The following PRKCZ variants were observed in gnomAD, a reference collection of about 807,000 sequenced individuals.
PRKCZ encodes the protein protein kinase C zeta type.
A neutral mutation model predicts 79.5 loss-of-function variants in PRKCZ; 33 were observed. The ratio of observed to expected loss-of-function variants is 0.41; its 90% confidence interval spans 0.31 to 0.55. The LOEUF is 0.55. Ranked by LOEUF, PRKCZ falls within the 20% of genes least tolerant of loss-of-function variation. PRKCZ has a pLI of 0.19. For synonymous variants in PRKCZ, 342 were observed against 320.9 expected (o/e 1.07, Z -0.70); for missense variants, 578 against 813.5 (o/e 0.71, Z 3.52).
At chr1:2,157,435 T>C (rs1479237358) in intron 10 of PRKCZ, among the ~76,000 whole-genome samples, 1 of 152,098 alleles carries the variant, frequency 6.6e-6, no homozygotes, top group Non-Finnish European at 1.5e-5. Context: ...TTCTTGTTTT[T>C]GAGATGGAGT....
intron 4 of PRKCZ, among the ~76,000 whole-genome samples, chr1:2,089,465 T>C (rs1388041268): frequency 6.6e-6 from 1 of 152,126 alleles, no homozygotes; most frequent in Non-Finnish European, 1.5e-5. Context: ...CCCTGATTGC[T>C]CGAGATGCTG....
intron 7 of PRKCZ, among the ~76,000 whole-genome samples, chr1:2,147,377 C>G (rs960348718): frequency 2.8e-5 from 4 of 141,332 alleles, no homozygotes; most frequent in African/African-American, 7.4e-5. Flanking sequence ...ACTGACCTCT[C>G]TATCTATCCA....
chr1:2,163,739 A>C (rs1450006932), intron 10 of PRKCZ, among the ~76,000 whole-genome samples: 1 of 151,998 alleles, frequency 6.6e-6, no homozygotes, highest in African/African-American at 2.4e-5. Context: ...AAATACAAAA[A>C]AAAAAAAAAA....
intron 4 of PRKCZ, among the ~76,000 whole-genome samples, chr1:2,101,567 T>C (rs770292595): frequency 6.6e-6 from 1 of 152,228 alleles, no homozygotes; most frequent in Non-Finnish European, 1.5e-5. Context: ...CATCAGCCAG[T>C]CTGCGTTCGG....
intron 4 of PRKCZ, chr1:2,073,809 CG>C: frequency 3.9e-6 from 4 of 1,031,334 alleles, no homozygotes; most frequent in African/African-American, 1.7e-5. Flanking sequence ...TGCCTATTGT[CG>C]GGGCCGGAGG....
intron 11 of PRKCZ, among the ~76,000 whole-genome samples, chr1:2,170,452 G>C (rs1350158911): frequency 1.3e-5 from 2 of 151,926 alleles, no homozygotes; most frequent in African/African-American, 4.8e-5. Context: ...AATAAATCTA[G>C]AACAGTACAC....
intron 4 of PRKCZ, among the ~76,000 whole-genome samples, chr1:2,102,749 T>TCCCCCAA (rs1557563499): frequency 6.6e-6 from 1 of 152,036 alleles, no homozygotes; most frequent in Non-Finnish European, 1.5e-5. Flanking sequence ...GCAAGTCTCC[T>TCCCCCAA]CCCCCAACCC....
chr1:2,184,902 C>T lies in PRKCZ; in HGVS notation c.1692-20C>T, dbSNP rs780864768. 5 of 1,608,436 alleles carry T rather than the reference C, an allele frequency of 3.1e-6. No homozygotes were observed. Among genetic ancestry groups the T allele is most frequent in the East Asian group, 4.5e-5 (2 of 44,804 alleles). ...TGAACACACGGTCACCCCCCTCCCCCCTGCCACCTTTGCCCACAGGGATGC... is the reference window on the plus strand; with the variant it reads ...TGAACACACGGTCACCCCCCTCCCCTCTGCCACCTTTGCCCACAGGGATGC... On this transcript the variant is annotated intron_variant, in intron 17 of 17. Coordinates refer to ENST00000378567, the MANE Select transcript of PRKCZ (RefSeq NM_002744.6).
chr1:2,070,929 G>A (rs1396630237), intron 4 of PRKCZ, among the ~76,000 whole-genome samples: 2 of 152,084 alleles, frequency 1.3e-5, no homozygotes, highest in African/African-American at 2.4e-5. Flanking sequence ...TCTGCCTCCC[G>A]CCCTCATAGC....
rs1666179894 is a variant in PRKCZ at position 2,094,824 on chromosome 1, T to C, written c.334+35233T>C. Among the ~76,000 whole-genome samples the C allele has an allele frequency of 3.3e-5, 5 of 152,216 alleles. No homozygotes were observed. Among genetic ancestry groups the C allele is most frequent in the Admixed American group, 3.3e-4 (5 of 15,294 alleles). ...CTTACCGTCTGGCTTCTCTGCTGGC[T>C]CTTTTGGCCTTGGATTCATTTCTGG... On this transcript the variant is annotated intron_variant, in intron 4 of 17. Coordinates refer to ENST00000378567, the MANE Select transcript of PRKCZ (RefSeq NM_002744.6). This position sits in a 1 kb window ranked among gnomAD's most constrained non-coding sequence, Gnocchi z 7.3.
At chr1:2,180,914 T>C (rs1686479214) in intron 16 of PRKCZ, among the ~76,000 whole-genome samples, 1 of 152,176 alleles carries the variant, frequency 6.6e-6, no homozygotes, top group Non-Finnish European at 1.5e-5. Flanking sequence ...TGCCAAGAAC[T>C]GGCTCCAGGA....
chr1:2,185,159 G>A lies in PRKCZ; in HGVS notation c.*150G>A, dbSNP rs1269663620. 1.0e-5 allele frequency: 8 copies of A among 776,452 alleles called. No individual in the cohort carries two copies. The highest frequency in any genetic ancestry group is 5.3e-5 in the East Asian group (2 of 37,402). The allele number at this position is 776,452 out of a possible 1,614,324, so 48.1% of individuals were successfully genotyped here. On this transcript the variant is annotated 3_prime_UTR_variant, in exon 18 of 18. Coordinates refer to ENST00000378567, the MANE Select transcript of PRKCZ (RefSeq NM_002744.6). Reference sequence around the variant, plus strand: ...ACCGCAGAGGGAAGCGTCAGCGGGCGCTGCTGGGAGCAGAACAGTCCCTCA... The same window carrying A: ...ACCGCAGAGGGAAGCGTCAGCGGGCACTGCTGGGAGCAGAACAGTCCCTCA...
Position 2,135,302 on chromosome 1 carries a change from G to A in PRKCZ, c.375G>A (p.Leu125=), listed in dbSNP as rs1675956511. ...YRRGARRWRK[L]YRANGHLFQA... is the part of the protein sequence containing the mutation. ...GGGGAGCCAGAAGATGGAGGAAGCT[G>A]TACCGTGCCAACGGCCACCTCTTCC... Residue 125 remains leucine (L), a synonymous_variant, in exon 5 of 18, where the codon CTG becomes CTA. Coordinates refer to ENST00000378567, the MANE Select transcript of PRKCZ (RefSeq NM_002744.6). 1.9e-6 allele frequency: 3 copies of A among 1,613,400 alleles called. No individual in the cohort carries two copies. Among genetic ancestry groups the A allele is most frequent in the East Asian group, 2.2e-5 (1 of 44,876 alleles).
upstream of PRKCZ, among the ~76,000 whole-genome samples, chr1:2,048,665 C>G (rs535861120): frequency 6.6e-6 from 1 of 152,202 alleles, no homozygotes; most frequent in East Asian, 1.9e-4. Context: ...TAGGAGGATG[C>G]CTGGGGCTGG....
At chr1:2,115,222 C>A (rs964840770) in intron 4 of PRKCZ, among the ~76,000 whole-genome samples, 1 of 152,248 alleles carries the variant, frequency 6.6e-6, no homozygotes, top group Non-Finnish European at 1.5e-5. Flanking sequence ...TCTGCCGTGT[C>A]CGTCCCCACT....
Position 2,169,498 on chromosome 1 carries a change from C to T in PRKCZ, c.975-20C>T, listed in dbSNP as rs373149779. ...CGTCTGCCGAGGTGACTGCAGCCTC[C>T]GGCGCCTCTCTCCCTGCAGGTTGTT... On this transcript the variant is annotated intron_variant, in intron 10 of 17. Coordinates refer to ENST00000378567, the MANE Select transcript of PRKCZ (RefSeq NM_002744.6). 56 of 1,547,418 alleles carry T rather than the reference C, an allele frequency of 3.6e-5. No individual in the cohort carries two copies. Among genetic ancestry groups the T allele is most frequent in the African/African-American group, 2.3e-4 (17 of 72,896 alleles).
At chr1:2,164,739 A>G (rs1276530669) in intron 10 of PRKCZ, among the ~76,000 whole-genome samples, 1 of 152,090 alleles carries the variant, frequency 6.6e-6, no homozygotes, top group African/African-American at 2.4e-5. Context: ...GAACATTCTA[A>G]ATTGCGTTAT....
At chr1:2,179,986 G>A (rs1427124409) in intron 16 of PRKCZ, among the ~76,000 whole-genome samples, 1 of 152,220 alleles carries the variant, frequency 6.6e-6, no homozygotes, top group Non-Finnish European at 1.5e-5. Flanking sequence ...GGGAGCAGGA[G>A]GGAGGCGGTT....
intron 4 of PRKCZ, among the ~76,000 whole-genome samples, chr1:2,066,113 A>G (rs1661103596): frequency 6.6e-6 from 1 of 152,190 alleles, no homozygotes; most frequent in Non-Finnish European, 1.5e-5. Context: ...CATCTGTGTT[A>G]ATAAAGGATA....
Sources: gnomAD v4.1 joint callset for allele counts (sites outside exome capture counted in the v4.1 genomes callset) on GRCh38, gnomAD v4.1.1 for gene constraint, Gnocchi (gnomAD v3.1) non-coding constraint, MANE v1.5 for transcripts, NCBI Gene and HGNC (gene_info 2026-07-23, HGNC 2026-07-21) for gene names.